The following TENM4 variants were observed in gnomAD, a reference collection of about 807,000 sequenced individuals.
TENM4 encodes the protein teneurin-4.
TENM4 carries 82 observed loss-of-function variants against 243.3 expected under a neutral mutation model. The ratio of observed to expected loss-of-function variants is 0.34; its 90% CI spans 0.28 to 0.40. The LOEUF (loss-of-function observed/expected upper bound fraction) is 0.40, where lower values mean the gene tolerates loss of function less well. Ranked by LOEUF, TENM4 falls within the 10% of genes least tolerant of loss-of-function variation. The probability of loss-of-function intolerance (pLI) is 1.00; values close to 1 mark genes in which losing one functional copy is unlikely to be tolerated. For synonymous variants in TENM4, 1,412 were observed against 1,456.3 expected, an observed-to-expected ratio of 0.97 and a Z score of 0.69; for missense variants, 3,138 against 3,673.3, an observed-to-expected ratio of 0.85 and a Z score of 3.77.
intron 3 of TENM4, 75 bp downstream of exon 3, chr11:79,215,733 C>G (rs1864040254): frequency 2.0e-6 from 2 of 979,606 alleles, no homozygotes; most frequent in Non-Finnish European, 2.4e-6. Context: ...TGTTCAGAGT[C>G]TGAGATTGCA....
At chr11:79,214,034 C>CA (rs947892081) in intron 3 of TENM4, among the ~76,000 whole-genome samples, 9 of 151,926 alleles carry the variant, frequency 5.9e-5, no homozygotes, top group African/African-American at 2.2e-4. Flanking sequence ...GTCTGTCACC[C>CA]AGGCTGGAGT....
In TENM4 at chr11:79,302,263, C is replaced by G. The variant is rs954349930; in HGVS notation, c.-320-4720G>C. 3.9e-5 allele frequency among the ~76,000 whole-genome samples: 6 copies of G among 152,164 alleles called. No homozygotes were observed. In the East Asian group the frequency reaches 1.2e-3, roughly 29 times the overall value. On this transcript the variant is annotated intron_variant, in intron 1 of 33. Coordinates refer to ENST00000278550, the MANE Select transcript of TENM4 (RefSeq NM_001098816.3). ...CAAACCAGTCCTGTCTTCAAATGTGCAGGGTCTAATTTAAGCCTATTCAAG... is the reference window on the plus strand; with the variant it reads ...CAAACCAGTCCTGTCTTCAAATGTGGAGGGTCTAATTTAAGCCTATTCAAG...
intron 4 of TENM4, among the ~76,000 whole-genome samples, chr11:79,110,262 A>G (rs980785465): frequency 1.3e-5 from 2 of 152,176 alleles, no homozygotes; most frequent in Non-Finnish European, 1.5e-5. Flanking sequence ...CCATAAGCCT[A>G]CTATACAGCC....
At chr11:79,387,350 G>A (rs149019655) in intron 1 of TENM4, among the ~76,000 whole-genome samples, 209 of 152,276 alleles carry the variant, frequency 1.4e-3, no homozygotes, top group African/African-American at 4.7e-3. Flanking sequence ...AAAATCCACT[G>A]AGCTATACAC....
At chr11:78,855,842 G>A in intron 11 of TENM4, 122 bp downstream of exon 11, 3 of 914,036 alleles carry the variant, frequency 3.3e-6, no homozygotes, top group South Asian at 3.5e-5. Context: ...ATGAATGAAT[G>A]GGCTATAAAA....
intron 5 of TENM4, among the ~76,000 whole-genome samples, chr11:79,066,695 C>T (rs1017642318): frequency 3.3e-5 from 5 of 150,788 alleles, no homozygotes; most frequent in Admixed American, 6.6e-5. Context: ...CATGCACACT[C>T]GAGCACACAC....
intron 6 of TENM4, among the ~76,000 whole-genome samples, chr11:79,062,539 C>T (rs1392091503): frequency 2.0e-5 from 3 of 152,200 alleles, no homozygotes; most frequent in Non-Finnish European, 4.4e-5. Context: ...CTTAAAAACT[C>T]TAAGAAGCCC....
intron 1 of TENM4, among the ~76,000 whole-genome samples, chr11:79,324,660 G>A (rs1856944944): frequency 2.0e-5 from 3 of 152,126 alleles, no homozygotes; most frequent in Admixed American, 6.5e-5. Flanking sequence ...ACATATATAT[G>A]TGTATATATA....
rs77195120 is a variant in TENM4 at position 79,370,231 on chromosome 11, C to T, written c.-321+70278G>A. On this transcript the variant is annotated intron_variant, in intron 1 of 33. Coordinates refer to ENST00000278550, the MANE Select transcript of TENM4 (RefSeq NM_001098816.3). ...GCCAACCCTTCACATGGGCCCCCTA[C>T]GACGGAGGCCAGGGCCCTCCATACC... Among the ~76,000 whole-genome samples the T allele has an allele frequency of 1.6e-3, 246 of 152,340 alleles. 1 individual carries two copies. The highest frequency in any genetic ancestry group is 3.9e-3 in the African/African-American group (163 of 41,594).
In TENM4 at chr11:78,669,721, AT is replaced by A; in HGVS notation, c.6623del (p.Asn2208MetfsTer19). On this transcript the variant is annotated frameshift_variant, in exon 32 of 34. Coordinates refer to ENST00000278550, the MANE Select transcript of TENM4 (RefSeq NM_001098816.3). LOFTEE classifies it high-confidence loss of function. This position sits in a 1 kb window ranked among gnomAD's most constrained non-coding sequence, Gnocchi z 6.4. ...AGCTGTAGCGCCAGAGTGGCTTGTC[AT>A]TGATGGAGACTGTCTGCAGCTGGCC... Reference protein sequence around the residue: ...ADGQLQTVSINDKPLWRYSYD... With the variant: ...ADGQLQTVSIXDKPLWRYSYD... 6 of 1,613,946 alleles carry A rather than the reference AT, an allele frequency of 3.7e-6. No individual in the cohort carries two copies. Among genetic ancestry groups the A allele is most frequent in the Non-Finnish European group, 5.1e-6 (6 of 1,179,882 alleles).
intron 16 of TENM4, among the ~76,000 whole-genome samples, chr11:78,780,831 A>G (rs1246314282): frequency 6.6e-6 from 1 of 152,260 alleles, no homozygotes; most frequent in Non-Finnish European, 1.5e-5. Flanking sequence ...GTAGGAAAGA[A>G]AATCAGTGGA....
In TENM4 at chr11:79,132,345, C is replaced by CAAAAAAAAAAAAAAAAAA. The variant is rs569082783; in HGVS notation, c.-66+16364_-66+16365insTTTTTTTTTTTTTTTTTT. ...TGGGAGAAAGAGCAAGACTCCAACT[C>CAAAAAAAAAAAAAAAAAA]AAAAAAAAAAAAAAAAAGAGAAATG... On this transcript the variant is annotated intron_variant, in intron 4 of 33. Transcript: ENST00000278550. Among the ~76,000 whole-genome samples the CAAAAAAAAAAAAAAAAAA allele has an allele frequency of 3.8e-3, 189 of 49,920 alleles. 22 individuals carry two copies. Among genetic ancestry groups the CAAAAAAAAAAAAAAAAAA allele is most frequent in the Non-Finnish European group, 4.4e-3 (107 of 24,072 alleles). 32.7% of individuals were successfully genotyped at this position (49,920 alleles called of 152,430 possible).
At chr11:78,996,733 C>T (rs1323935778) in intron 6 of TENM4, among the ~76,000 whole-genome samples, 1 of 152,114 alleles carries the variant, frequency 6.6e-6, no homozygotes, top group Non-Finnish European at 1.5e-5. Flanking sequence ...CAAGGTGAGG[C>T]TCCTTCTCTT....
chr11:78,854,661 C>T (rs1391764016), intron 11 of TENM4, among the ~76,000 whole-genome samples: 1 of 152,074 alleles, frequency 6.6e-6, no homozygotes. Flanking sequence ...TGGTTAGAAA[C>T]ACAGCCACTT....
intron 2 of TENM4, among the ~76,000 whole-genome samples, chr11:79,287,711 C>G (rs1200524702): frequency 6.6e-6 from 1 of 152,160 alleles, no homozygotes; most frequent in Non-Finnish European, 1.5e-5. Flanking sequence ...CATAGCAAAT[C>G]TGTAGCAAAA....
rs1447189784 is a variant in TENM4 at position 78,670,107 on chromosome 11, G to A, written c.6238C>T (p.Arg2080Cys). Reference sequence around the variant, plus strand: ...CTGTTGTCATAGTTGTAGTCAAAACGGGCGTTGACCATGCCTTCCTCAGTG... The same window carrying A: ...CTGTTGTCATAGTTGTAGTCAAAACAGGCGTTGACCATGCCTTCCTCAGTG... ...RFTEEGMVNA[R>C]FDYNYDNSFR... The change falls in exon 32 of 34, where the codon CGT becomes TGT. Residue 2080 changes from arginine to cysteine, a missense_variant. By Grantham distance (180) the Arg-to-Cys change is radical. This residue lies in a region of TENM4 where 2,467 missense variants were observed against 3,059.1 expected (regional missense o/e 0.81). Transcript: ENST00000278550. 9.9e-6 allele frequency: 16 copies of A among 1,613,906 alleles called. No individual in the cohort carries two copies. Among genetic ancestry groups the A allele is most frequent in the Non-Finnish European group, 1.4e-5 (16 of 1,179,880 alleles).
At chr11:78,921,127 T>A (rs1011364947) in intron 6 of TENM4, among the ~76,000 whole-genome samples, 18 of 152,180 alleles carry the variant, frequency 1.2e-4, no homozygotes, top group Admixed American at 1.2e-3. Flanking sequence ...TCTTTCTACC[T>A]CTCTCCATTG....
At chr11:78,957,237 T>C (rs980117927) in intron 6 of TENM4, among the ~76,000 whole-genome samples, 1 of 152,016 alleles carries the variant, frequency 6.6e-6, no homozygotes, top group African/African-American at 2.4e-5. Context: ...AAACTTTACC[T>C]ACCCCAGTGT....
chr11:79,308,297 TA>T (rs1219788681), intron 1 of TENM4, among the ~76,000 whole-genome samples: 1 of 152,236 alleles, frequency 6.6e-6, no homozygotes, highest in African/African-American at 2.4e-5. Flanking sequence ...GAAAACCGAT[TA>T]TATTCAAATA....
Sources: allele counts gnomAD v4.1 joint callset (sites outside exome capture counted in the v4.1 genomes callset), GRCh38; gene constraint gnomAD v4.1.1; regional missense constraint gnomAD v4.1.1; non-coding constraint Gnocchi (gnomAD v3.1); transcripts MANE v1.5; gene names NCBI Gene and HGNC (gene_info 2026-07-23, HGNC 2026-07-21).